The following OAS1 variants were observed in gnomAD, a reference collection of about 807,000 sequenced individuals.
OAS1 encodes the protein 2'-5'-oligoadenylate synthase 1.
OAS1 carries 24 observed loss-of-function variants against 38.5 expected under a neutral mutation model. That is an observed-to-expected ratio of 0.62 (90% CI 0.45 to 0.88). The LOEUF (loss-of-function observed/expected upper bound fraction) is 0.88, where lower values mean the gene tolerates loss of function less well. Among genes scored for constraint, OAS1 ranks in the 40% least tolerant of loss-of-function variants. The probability of loss-of-function intolerance (pLI) is 0.00; values close to 1 mark genes in which losing one functional copy is unlikely to be tolerated. For missense variants in OAS1, 482 were observed against 493.9 expected (o/e 0.98, Z 0.23); for synonymous variants, 169 against 193.9 (o/e 0.87, Z 1.07).
downstream of OAS1, among the ~76,000 whole-genome samples, chr12:112,924,436 T>C (rs1482042072): frequency 6.8e-6 from 1 of 147,880 alleles, no homozygotes; most frequent in East Asian, 2.0e-4. Flanking sequence ...GAATTACACA[T>C]ATTAGCTTGG....
intron 3 of OAS1, among the ~76,000 whole-genome samples, chr12:112,912,154 A>G (rs1309153767): frequency 6.6e-6 from 1 of 152,218 alleles, no homozygotes; most frequent in African/African-American, 2.4e-5. Context: ...CCTGAGCAAC[A>G]TGGCAAAACC....
At chr12:112,932,747 C>G (rs2043605638), downstream of OAS1, 1 of 152,244 alleles carries the variant, frequency 6.6e-6, no homozygotes, top group Non-Finnish European at 1.5e-5. Flanking sequence ...AATTGAGGTT[C>G]AGACAGGTTG....
intron 3 of OAS1, among the ~76,000 whole-genome samples, chr12:112,912,166 C>A (rs1317611918): frequency 6.6e-6 from 1 of 152,150 alleles, no homozygotes; most frequent in East Asian, 1.9e-4. Flanking sequence ...GGCAAAACCT[C>A]GTCTCTACAA....
intron 3 of OAS1, among the ~76,000 whole-genome samples, chr12:112,915,052 C>T (rs1321112062): frequency 6.6e-6 from 1 of 152,028 alleles, no homozygotes; most frequent in African/African-American, 2.4e-5. Flanking sequence ...TGAAGATTTT[C>T]TCCCATTCTG....
intron 3 of OAS1, among the ~76,000 whole-genome samples, chr12:112,913,333 G>T (rs1195301495): frequency 2.0e-5 from 3 of 152,106 alleles, no homozygotes; most frequent in Non-Finnish European, 4.4e-5. Flanking sequence ...CTTAATGATG[G>T]GTTCCTATTG....
intron 6 of OAS1, among the ~76,000 whole-genome samples, chr12:112,927,759 T>G (rs1419035992): frequency 1.3e-5 from 2 of 152,132 alleles, no homozygotes; most frequent in Non-Finnish European, 2.9e-5. Flanking sequence ...ATGACCAGAT[T>G]TTCTGATTTT....
At chr12:112,914,973 ATT>A (rs139815448) in intron 3 of OAS1, among the ~76,000 whole-genome samples, 7 of 132,232 alleles carry the variant, frequency 5.3e-5, no homozygotes, top group Non-Finnish European at 9.8e-5. Context: ...TTTTGATGAG[ATT>A]TTTTTTTTCT....
rs145877568 is a variant in OAS1, at chr12:112,916,536, C to T, written c.682C>T (p.Pro228Ser). The change falls in exon 4 of 6, where the codon CCT becomes TCT. Residue 228 changes from proline (P) to serine (S), a missense_variant. Pro to Ser is a moderately conservative substitution (Grantham distance 74, BLOSUM62 -1). Transcript: ENST00000202917. ...TAAGAAGAAGCTTGGGAAGCTGCCA[C>T]CTCAGTATGCCCTGGAGCTCCTGAC... ...NCKKKLGKLP[P>S]QYALELLTVY... 190 of 1,614,134 alleles carry T rather than the reference C, an allele frequency of 1.2e-4. No individual in the cohort carries two copies. In the African/African-American group the frequency reaches 1.9e-3, roughly 17 times the overall value.
chr12:112,917,495 C>A, intron 4 of OAS1, 52 bp from the exon 5 acceptor site: 3 of 1,610,748 alleles, frequency 1.9e-6, no homozygotes, highest in Non-Finnish European at 2.5e-6. Context: ...TCTGGACTCC[C>A]TAGACAGAGC....
chr12:112,911,199 G>T lies in OAS1; in HGVS notation c.618G>T (p.Lys206Asn), dbSNP rs1476647324. Residue 206 changes from lysine (K) to asparagine (N), a missense_variant, in exon 3 of 6, where the codon AAG becomes AAT. Lys to Asn is a moderately conservative substitution (Grantham distance 94). Coordinates refer to ENST00000202917, the MANE Select transcript of OAS1 (RefSeq NM_016816.4). ...DFLKQRPTKL[K>N]SLIRLVKHWY... Reference sequence around the variant, plus strand: ...TGAAGCAGCGCCCCACCAAGCTCAAGAGCCTCATCCGCCTAGTCAAGCACT... The same window carrying T: ...TGAAGCAGCGCCCCACCAAGCTCAATAGCCTCATCCGCCTAGTCAAGCACT... 1.2e-6 allele frequency: 2 copies of T among 1,613,734 alleles called. No individual in the cohort carries two copies. The highest frequency in any genetic ancestry group is 8.5e-7 in the Non-Finnish European group (1 of 1,179,940).
Position 112,919,417 on chromosome 12 carries a change from C to T in OAS1, c.1067C>T (p.Thr356Ile). The change falls in exon 6 of 6, where the codon ACC becomes ATC. Residue 356 changes from threonine to isoleucine, a missense_variant. Thr to Ile is a moderately conservative substitution (Grantham distance 89). Coordinates refer to ENST00000202917, the MANE Select transcript of OAS1 (RefSeq NM_016816.4). ...GAAAGCAACAGTGCAGACGATGAGA[C>T]CGACGATCCCAGGAGGTATCAGAAA... is the stretch of plus-strand genomic sequence containing the variant. ...LAESNSADDE[T>I]DDPRRYQKYG... The T allele has an allele frequency of 6.2e-7, 1 of 1,613,952 alleles. No individual in the cohort carries two copies. Among genetic ancestry groups the T allele is most frequent in the Non-Finnish European group, 8.5e-7 (1 of 1,179,860 alleles).
chr12:112,917,224 T>C (rs1159982290), intron 4 of OAS1, among the ~76,000 whole-genome samples: 1 of 152,212 alleles, frequency 6.6e-6, no homozygotes, highest in Non-Finnish European at 1.5e-5. Flanking sequence ...GCCTTTGAGA[T>C]AGGTATGTGG....
chr12:112,920,716 A>G (rs1048552098), downstream of OAS1, among the ~76,000 whole-genome samples: 15 of 152,192 alleles, frequency 9.9e-5, 1 homozygote, highest in Admixed American at 9.2e-4. Context: ...AATACTCACA[A>G]AAGAACCTAG....
chr12:112,922,030 CT>C (rs2043532763), downstream of OAS1, among the ~76,000 whole-genome samples: 1 of 152,188 alleles, frequency 6.6e-6, no homozygotes, highest in Non-Finnish European at 1.5e-5. Context: ...ATTTTTCACT[CT>C]TGGCTCCTAT....
rs188145114 is a variant in OAS1, at chr12:112,918,044, A to T, written c.1038+344A>T. ...CACAACAATCCCATGAGGCATTTTTAAAAATTTTTTATTATTTTAGATTCA... is the reference window on the plus strand; with the variant it reads ...CACAACAATCCCATGAGGCATTTTTTAAAATTTTTTATTATTTTAGATTCA... On this transcript the variant is annotated intron_variant, in intron 5 of 5. Coordinates refer to ENST00000202917, the MANE Select transcript of OAS1 (RefSeq NM_016816.4). The T allele has an allele frequency of 3.0e-5, 23 of 778,270 alleles. 1 individual carries two copies. The highest frequency in any genetic ancestry group is 3.6e-5 in the Non-Finnish European group (21 of 576,834). 48.2% of individuals were successfully genotyped at this position (778,270 alleles called of 1,614,324 possible).
chr12:112,913,509 A>C (rs911625740), intron 3 of OAS1, among the ~76,000 whole-genome samples: 2 of 152,010 alleles, frequency 1.3e-5, no homozygotes, highest in Non-Finnish European at 2.9e-5. Context: ...TCTATCTTTC[A>C]TATCTCTATA....
chr12:112,931,026 C>T (rs750362574), intron 6 of OAS1, among the ~76,000 whole-genome samples: 1 of 152,176 alleles, frequency 6.6e-6, no homozygotes, highest in Non-Finnish European at 1.5e-5. Flanking sequence ...ATATTTACAC[C>T]ATCTTGGCCA....
chr12:112,908,697 A>G lies in OAS1; in HGVS notation c.342A>G (p.Ala114=). 1.2e-6 allele frequency: 2 copies of G among 1,614,098 alleles called. No individual in the cohort carries two copies. The highest frequency in any genetic ancestry group is 1.7e-6 in the Non-Finnish European group (2 of 1,180,018). ...RQLEACQRER[A]FSVKFEVQAP... ...TGGAAGCCTGTCAAAGAGAGAGAGC[A>G]TTTTCCGTGAAGTTTGAGGTCCAGG... is the stretch of plus-strand genomic sequence containing the variant. The change falls in exon 2 of 6, where the codon GCA becomes GCG. Residue 114 remains alanine (A), a synonymous_variant. Transcript: ENST00000202917.
chr12:112,914,111 C>T (rs892494589), intron 3 of OAS1, among the ~76,000 whole-genome samples: 2 of 152,208 alleles, frequency 1.3e-5, no homozygotes, highest in Non-Finnish European at 2.9e-5. Context: ...CCGCAGTCCG[C>T]AAAGTCCCAT....
Sources: allele counts gnomAD v4.1 joint callset (sites outside exome capture counted in the v4.1 genomes callset), GRCh38; gene constraint gnomAD v4.1.1; transcripts MANE v1.5; gene names NCBI Gene and HGNC (gene_info 2026-07-23, HGNC 2026-07-21).